Variants in BCR observed in about 807,000 individuals in gnomAD.
BCR encodes breakpoint cluster region protein.
BCR carries 58 observed loss-of-function variants against 138.6 expected under a neutral mutation model. That is an observed-to-expected ratio of 0.42 (90% CI 0.34 to 0.52). The LOEUF (loss-of-function observed/expected upper bound fraction) is 0.52, where lower values mean the gene tolerates loss of function less well. Ranked by LOEUF, BCR falls within the 20% of genes least tolerant of loss-of-function variation. The pLI is 0.06. For synonymous variants in BCR, 786 were observed against 730.1 expected (o/e 1.08, Z -1.23); for missense variants, 1,599 against 1,727.2 (o/e 0.93, Z 1.32).
rs115958423 is a variant in BCR at position 23,237,407 on chromosome 22, T to G, written c.1280-16392T>G. 6.2e-3 allele frequency among the ~76,000 whole-genome samples: 950 copies of G among 152,360 alleles called. 8 individuals are homozygous for G. The highest frequency in any genetic ancestry group is 0.022 in the African/African-American group (913 of 41,584). ...CCGATTGGGAGTAACAGGTGGGATCTGGACCAGGTTGTCACACCCACAATG... is the reference window on the plus strand; with the variant it reads ...CCGATTGGGAGTAACAGGTGGGATCGGGACCAGGTTGTCACACCCACAATG... On this transcript the variant is annotated intron_variant, in intron 1 of 22. Transcript: ENST00000305877.
chr22:23,272,963 A>T (rs2073526624), intron 6 of BCR, 118 bp from the exon 7 acceptor site: 1 of 1,083,318 alleles, frequency 9.2e-7, no homozygotes. Context: ...CAGAGGGGAG[A>T]TGGGGCCTGT....
chr22:23,233,655 GC>G (rs1389150132), intron 1 of BCR, among the ~76,000 whole-genome samples: 1 of 151,874 alleles, frequency 6.6e-6, no homozygotes, highest in Non-Finnish European at 1.5e-5. Context: ...AGGTGTGGGG[GC>G]TTACACTCTT....
intron 13 of BCR, chr22:23,289,856 G>A (rs746958287): frequency 1.2e-4 from 69 of 571,216 alleles, no homozygotes; most frequent in Admixed American, 2.5e-4. Flanking sequence ...CACGGCTTCT[G>A]TTCCTAGTCA....
chr22:23,275,621 G>A (rs1358689556), intron 8 of BCR, among the ~76,000 whole-genome samples: 1 of 152,204 alleles, frequency 6.6e-6, no homozygotes, highest in African/African-American at 2.4e-5. Flanking sequence ...CCCTGCCCTT[G>A]GTTCTCTTCC....
intron 12 of BCR, 23 bp downstream of exon 12, chr22:23,288,195 G>C (rs998158159): frequency 2.5e-6 from 4 of 1,610,572 alleles, no homozygotes; most frequent in East Asian, 2.2e-5. Flanking sequence ...TGTCCTGAGA[G>C]GGGCTGGGCT....
At chr22:23,267,423 G>T (rs1201526953) in intron 4 of BCR, among the ~76,000 whole-genome samples, 2 of 152,230 alleles carry the variant, frequency 1.3e-5, no homozygotes, top group Admixed American at 6.5e-5. Flanking sequence ...CAGAAGATCA[G>T]ACAGTGCCAA....
intron 15 of BCR, among the ~76,000 whole-genome samples, chr22:23,293,350 A>G (rs1246973597): frequency 6.6e-6 from 1 of 151,966 alleles, no homozygotes; most frequent in African/African-American, 2.4e-5. Flanking sequence ...AAGAGCCCCC[A>G]GGCTGCTTGG....
chr22:23,248,217 G>A (rs1318353675), intron 1 of BCR, among the ~76,000 whole-genome samples: 1 of 152,034 alleles, frequency 6.6e-6, no homozygotes, highest in Non-Finnish European at 1.5e-5. Flanking sequence ...GGTGGCGCAC[G>A]CTTGTAATCA....
intron 10 of BCR, 70 bp from the exon 11 acceptor site, chr22:23,287,089 A>G (rs769734115): frequency 4.5e-5 from 70 of 1,549,854 alleles, no homozygotes; most frequent in Non-Finnish European, 5.8e-5. Context: ...GGTGGTGGGG[A>G]TGGATGGAAT....
chr22:23,198,294 G>C (rs778199120), intron 1 of BCR: 1 of 445,442 alleles, frequency 2.2e-6, no homozygotes, highest in Non-Finnish European at 4.4e-6. Flanking sequence ...CTCTGTTCCG[G>C]GGCAGGGCCA....
intron 17 of BCR, 67 bp from the exon 18 acceptor site, chr22:23,310,257 G>T (rs1274822420): frequency 4.0e-6 from 3 of 748,350 alleles, no homozygotes; most frequent in Non-Finnish European, 7.0e-6. Flanking sequence ...ACTCCCAGGG[G>T]TCCTTGGGAC....
At chr22:23,247,411 A>G (rs9624067) in intron 1 of BCR, among the ~76,000 whole-genome samples, 4,552 of 152,162 alleles carry the variant, frequency 0.03, 229 homozygotes, top group African/African-American at 0.1. Flanking sequence ...CCTCCACCCA[A>G]ATTCCTCCCA....
chr22:23,293,255 G>A (rs924529613), intron 15 of BCR, among the ~76,000 whole-genome samples: 1 of 152,150 alleles, frequency 6.6e-6, no homozygotes, highest in Non-Finnish European at 1.5e-5. Flanking sequence ...TGACCTCGAA[G>A]GTCTCATTCT....
At chr22:23,271,107 C>T (rs562371896) in intron 5 of BCR, among the ~76,000 whole-genome samples, 1 of 152,334 alleles carries the variant, frequency 6.6e-6, no homozygotes, top group Non-Finnish European at 1.5e-5. Context: ...ACAGGATCCT[C>T]TGTGTCAGAG....
At chr22:23,272,734 G>A (rs187185663) in intron 6 of BCR, among the ~76,000 whole-genome samples, 28 of 152,222 alleles carry the variant, frequency 1.8e-4, no homozygotes, top group African/African-American at 6.7e-4. Flanking sequence ...TGGGGAGCAG[G>A]TCTCCCTCCA....
intron 1 of BCR, among the ~76,000 whole-genome samples, chr22:23,243,910 G>A (rs1479254780): frequency 2.6e-5 from 4 of 152,150 alleles, no homozygotes; most frequent in South Asian, 2.1e-4. Flanking sequence ...CAAAGTTGCT[G>A]GGATTACAGG....
chr22:23,301,312 CAG>C (rs1160667456), intron 16 of BCR, among the ~76,000 whole-genome samples: 1 of 152,166 alleles, frequency 6.6e-6, no homozygotes, highest in African/African-American at 2.4e-5. Flanking sequence ...TCAAAAAAGA[CAG>C]AAAAAACCTG....
chr22:23,291,545 C>T (rs1160225970), intron 14 of BCR, among the ~76,000 whole-genome samples: 1 of 152,038 alleles, frequency 6.6e-6, no homozygotes, highest in East Asian at 1.9e-4. Flanking sequence ...GCATCTCCTC[C>T]CGGGTCCTGT....
intron 15 of BCR, among the ~76,000 whole-genome samples, chr22:23,294,558 G>A (rs923610023): frequency 1.3e-5 from 2 of 152,148 alleles, no homozygotes; most frequent in Non-Finnish European, 1.5e-5. Flanking sequence ...GCACCACCAC[G>A]CCATACTATT....
Sources: gnomAD v4.1 joint callset for allele counts (sites outside exome capture counted in the v4.1 genomes callset) on GRCh38, gnomAD v4.1.1 for gene constraint, MANE v1.5 for transcripts, NCBI Gene and HGNC (gene_info 2026-07-23, HGNC 2026-07-21) for gene names.